The following LIPC variants were observed in gnomAD, a reference collection of about 807,000 sequenced individuals.
LIPC encodes hepatic triacylglycerol lipase.
A neutral mutation model predicts 50.7 loss-of-function variants in LIPC; 44 were observed. The observed-to-expected ratio is 0.87, with a 90% CI of 0.68 to 1.11. The LOEUF is 1.11. Among genes scored for constraint, LIPC ranks in the 50% most tolerant of loss-of-function variants. The pLI is 0.00. For missense variants in LIPC, 697 were observed against 648.2 expected, an observed-to-expected ratio of 1.08 and a Z score of -0.82; for synonymous variants, 271 against 256.4, an observed-to-expected ratio of 1.06 and a Z score of -0.54.
chr15:58,483,822 G>T (rs1177791408), intron 1 of LIPC, among the ~76,000 whole-genome samples: 1 of 152,038 alleles, frequency 6.6e-6, no homozygotes, highest in African/African-American at 2.4e-5. Flanking sequence ...AGAAAACTTA[G>T]TATTTTCTAA....
intron 6 of LIPC, among the ~76,000 whole-genome samples, chr15:58,558,730 T>C (rs1272916187): frequency 1.3e-5 from 2 of 151,954 alleles, no homozygotes; most frequent in African/African-American, 2.4e-5. Context: ...CTGTCTTCCA[T>C]GAAACCCATC....
rs568889769 is a variant in LIPC at position 58,490,493 on chromosome 15, G to C, written c.89-47840G>C. ...TGCTGCTCCACTGAGAGCCGGCGCC[G>C]TTCGCGGGATAATTATCCTGTAGTC... On this transcript the variant is annotated intron_variant, in intron 1 of 8. Coordinates refer to ENST00000299022, the MANE Select transcript of LIPC (RefSeq NM_000236.3). Among the ~76,000 whole-genome samples the C allele has an allele frequency of 2.0e-5, 3 of 152,240 alleles. No homozygotes were observed. In the South Asian group the frequency reaches 6.2e-4, roughly 32 times the overall value.
At chr15:58,543,612 C>T (rs764577321) in intron 4 of LIPC, among the ~76,000 whole-genome samples, 8 of 151,998 alleles carry the variant, frequency 5.3e-5, no homozygotes, top group Non-Finnish European at 7.4e-5. Context: ...AAAGTTGTTG[C>T]GAATTTATAT....
Position 58,557,174 on chromosome 15 carries a change from G to T in LIPC, c.1052-3690G>T, listed in dbSNP as rs761242495. The stretch of plus-strand genomic sequence containing the variant: ...CTGGAGTCAGGTTGTGTGAGCCGAC[G>T]CCCCAGCCATATACGACTTACTAGC... On this transcript the variant is annotated intron_variant, in intron 6 of 8. Coordinates refer to ENST00000299022, the MANE Select transcript of LIPC (RefSeq NM_000236.3). Among the ~76,000 whole-genome samples, 4 of 151,986 alleles carry T rather than the reference G, an allele frequency of 2.6e-5. No individual in the cohort carries two copies. The East Asian group carries it at 7.7e-4, about 29-fold the overall frequency.
chr15:58,526,965 C>T (rs1303355569), intron 1 of LIPC, among the ~76,000 whole-genome samples: 8 of 152,174 alleles, frequency 5.3e-5, no homozygotes, highest in African/African-American at 1.2e-4. Context: ...AGCCAGTGCC[C>T]GCCCCACTGG....
At chr15:58,439,004 C>G (rs1189889506) in intron 1 of LIPC, among the ~76,000 whole-genome samples, 1 of 152,232 alleles carries the variant, frequency 6.6e-6, no homozygotes, top group African/African-American at 2.4e-5. Flanking sequence ...GCGTTTTCAC[C>G]TCCACTTGTG....
At chr15:58,497,500 C>T (rs1891814465) in intron 1 of LIPC, among the ~76,000 whole-genome samples, 2 of 152,188 alleles carry the variant, frequency 1.3e-5, no homozygotes, top group Admixed American at 1.3e-4. Context: ...TCTCTTCAAG[C>T]TATGGGGAGC....
In LIPC at chr15:58,458,947, T is replaced by A. The variant is rs1894235114; in HGVS notation, c.88+26827T>A. On this transcript the variant is annotated intron_variant, in intron 1 of 8. Coordinates refer to ENST00000299022, the MANE Select transcript of LIPC (RefSeq NM_000236.3). ...ACCCCAAAATCTGCCATCGATAACA[T>A]CAGAGTATGTCCATGGCTTTATTAG... 2.6e-5 allele frequency among the ~76,000 whole-genome samples: 4 copies of A among 152,196 alleles called. No individual in the cohort carries two copies. The South Asian group carries it at 8.3e-4, about 31-fold the overall frequency.
chr15:58,544,563 T>G (rs1362069076), intron 4 of LIPC, among the ~76,000 whole-genome samples: 1 of 151,914 alleles, frequency 6.6e-6, no homozygotes, highest in African/African-American at 2.4e-5. Context: ...GCCCGGCTAA[T>G]TTTTGTATTT....
chr15:58,491,180 G>A (rs777346934), intron 1 of LIPC, among the ~76,000 whole-genome samples: 1 of 152,154 alleles, frequency 6.6e-6, no homozygotes, highest in Non-Finnish European at 1.5e-5. Context: ...CATCGCCAAA[G>A]AAAGCTCTAG....
rs368149731 is a variant in LIPC, at chr15:58,492,194, C to A, written c.89-46139C>A. ...GGCCCACCCTGCCCTCAGTTCCTAG[C>A]AGATCCTCAACTTGGCCTGCTTTGA... On this transcript the variant is annotated intron_variant, in intron 1 of 8. Coordinates refer to ENST00000299022, the MANE Select transcript of LIPC (RefSeq NM_000236.3). Among the ~76,000 whole-genome samples, 11 of 152,282 alleles carry A rather than the reference C, an allele frequency of 7.2e-5. No homozygotes were observed. In the East Asian group the frequency reaches 1.7e-3, roughly 24 times the overall value.
intron 1 of LIPC, among the ~76,000 whole-genome samples, chr15:58,495,948 C>T (rs970914535): frequency 3.3e-5 from 5 of 152,168 alleles, no homozygotes; most frequent in East Asian, 3.8e-4. Flanking sequence ...TTCCAAGACT[C>T]GTGGGATTTA....
intron 1 of LIPC, among the ~76,000 whole-genome samples, chr15:58,527,404 C>T (rs1252997351): frequency 6.6e-6 from 1 of 152,184 alleles, no homozygotes; most frequent in Non-Finnish European, 1.5e-5. Context: ...ATGACCTCAA[C>T]CTCTGTGAGT....
intron 1 of LIPC, among the ~76,000 whole-genome samples, chr15:58,478,537 G>A (rs1891078109): frequency 6.6e-6 from 1 of 152,134 alleles, no homozygotes. Context: ...ACTGCGCCCA[G>A]CCAGCTCACT....
At chr15:58,501,170 C>T (rs1431703208) in intron 1 of LIPC, among the ~76,000 whole-genome samples, 1 of 152,044 alleles carries the variant, frequency 6.6e-6, no homozygotes, top group Non-Finnish European at 1.5e-5. Context: ...GTCTCTACAA[C>T]CGCACGCCTC....
At position 58,457,648 on chromosome 15, in the gene LIPC, T is replaced by A. The variant is rs57985651; in HGVS notation, c.88+25528T>A. On this transcript the variant is annotated intron_variant, in intron 1 of 8. Coordinates refer to ENST00000299022, the MANE Select transcript of LIPC (RefSeq NM_000236.3). The stretch of plus-strand genomic sequence containing the variant: ...GCTTTCTATGACTCAGGCCGCATCA[T>A]TTTGTGGTCAACTACTTTCACTATT... 3.3e-4 allele frequency among the ~76,000 whole-genome samples: 50 copies of A among 152,358 alleles called. No individual in the cohort carries two copies. In the East Asian group the frequency reaches 9.2e-3, roughly 28 times the overall value.
chr15:58,493,256 C>T (rs1216874645), intron 1 of LIPC, among the ~76,000 whole-genome samples: 1 of 152,064 alleles, frequency 6.6e-6, no homozygotes, highest in East Asian at 1.9e-4. Context: ...CACCTCCTCC[C>T]GCCAGCACTC....
At chr15:58,533,164 T>C (rs1288903952) in intron 1 of LIPC, 2 of 984,928 alleles carry the variant, frequency 2.0e-6, no homozygotes, top group Non-Finnish European at 2.4e-6. Context: ...TCTGAAGACA[T>C]GAGAAAAGCT....
chr15:58,522,923 A>G (rs1406336765), intron 1 of LIPC: 1 of 152,256 alleles, frequency 6.6e-6, no homozygotes, highest in African/African-American at 2.4e-5. Flanking sequence ...GGCACTTTCC[A>G]ACATTCGTCA....
Sources: allele counts gnomAD v4.1 joint callset (sites outside exome capture counted in the v4.1 genomes callset), GRCh38; gene constraint gnomAD v4.1.1; transcripts MANE v1.5; gene names NCBI Gene and HGNC (gene_info 2026-07-23, HGNC 2026-07-21).